Variants in NELL1 observed in about 807,000 individuals in gnomAD.
NELL1 encodes the protein neural EGFL like 1.
In NELL1, 76 loss-of-function variants were observed where a neutral mutation model predicts 107.4. That is an observed-to-expected ratio of 0.71 (90% CI 0.59 to 0.86). The LOEUF is 0.86. Ranked by LOEUF, NELL1 falls within the 40% of genes least tolerant of loss-of-function variation. The probability of loss-of-function intolerance (pLI) is 0.00; values close to 1 mark genes in which losing one functional copy is unlikely to be tolerated. For missense variants in NELL1, 1,024 were observed against 1,005.5 expected, an observed-to-expected ratio of 1.02 and a Z score of -0.25; for synonymous variants, 353 against 341.2, an observed-to-expected ratio of 1.03 and a Z score of -0.38.
intron 14 of NELL1, among the ~76,000 whole-genome samples, chr11:21,264,051 T>G (rs148320949): frequency 0.018 from 2,161 of 121,446 alleles, 17 homozygotes; most frequent in South Asian, 0.028. Flanking sequence ...CTCTGTTAGA[T>G]GTCTGAAAGT....
Position 21,461,247 on chromosome 11 carries a change from C to T in NELL1, c.1646-73127C>T, listed in dbSNP as rs138658822. On this transcript the variant is annotated intron_variant, in intron 15 of 19. Coordinates refer to ENST00000357134, the MANE Select transcript of NELL1 (RefSeq NM_006157.5). ...GATACAAGAAGTCAGTGAATGAGGACTGGGTAGAGGCAACAGCCCTGGGTT... is the reference window on the plus strand; with the variant it reads ...GATACAAGAAGTCAGTGAATGAGGATTGGGTAGAGGCAACAGCCCTGGGTT... 2.0e-5 allele frequency among the ~76,000 whole-genome samples: 3 copies of T among 152,042 alleles called. No individual in the cohort carries two copies. The South Asian group carries it at 6.2e-4, about 31-fold the overall frequency.
At chr11:21,077,614 G>A (rs1428785218) in intron 12 of NELL1, among the ~76,000 whole-genome samples, 3 of 151,896 alleles carry the variant, frequency 2.0e-5, no homozygotes, top group African/African-American at 7.3e-5. Flanking sequence ...GTGGTGGCAC[G>A]TGCCTGTAAT....
intron 14 of NELL1, among the ~76,000 whole-genome samples, chr11:21,253,985 G>A (rs1280766417): frequency 6.6e-6 from 1 of 152,120 alleles, no homozygotes; most frequent in Non-Finnish European, 1.5e-5. Context: ...CTGAGGGGAT[G>A]CAGATATGAG....
At chr11:21,553,057 T>C (rs184000882) in intron 16 of NELL1, among the ~76,000 whole-genome samples, 1 of 152,010 alleles carries the variant, frequency 6.6e-6, no homozygotes, top group African/African-American at 2.4e-5. Flanking sequence ...ACAATGTTTT[T>C]AGACCTTTGA....
intron 15 of NELL1, among the ~76,000 whole-genome samples, chr11:21,524,460 C>T (rs1247912023): frequency 6.6e-6 from 1 of 151,650 alleles, no homozygotes; most frequent in South Asian, 2.1e-4. Context: ...CTGTTAAACA[C>T]TATAGGAATT....
intron 14 of NELL1, among the ~76,000 whole-genome samples, chr11:21,364,949 A>G (rs1177930436): frequency 6.6e-6 from 1 of 152,176 alleles, no homozygotes; most frequent in Non-Finnish European, 1.5e-5. Flanking sequence ...ATTTTCTTCT[A>G]TTAAGTACCT....
intron 12 of NELL1, among the ~76,000 whole-genome samples, chr11:21,044,516 A>G (rs975350338): frequency 1.3e-5 from 2 of 152,162 alleles, no homozygotes; most frequent in African/African-American, 4.8e-5. Context: ...TTGTTTGGTT[A>G]TGTGTATGCA....
At chr11:20,919,224 A>G in intron 6 of NELL1, 28 bp from the exon 7 acceptor site, 1 of 1,316,782 alleles carries the variant, frequency 7.6e-7, no homozygotes, top group Non-Finnish European at 1.1e-6. Flanking sequence ...CAATATAAAT[A>G]TATATGTTTT....
At chr11:20,899,239 A>G (rs557438019) in intron 5 of NELL1, among the ~76,000 whole-genome samples, 1 of 152,138 alleles carries the variant, frequency 6.6e-6, no homozygotes, top group Non-Finnish European at 1.5e-5. Context: ...ATAAAAGTCC[A>G]TAAAAAGGAA....
At position 21,468,862 on chromosome 11, in the gene NELL1, C is replaced by T. The variant is rs572663890; in HGVS notation, c.1646-65512C>T. Among the ~76,000 whole-genome samples, 15 of 152,140 alleles carry T rather than the reference C, an allele frequency of 9.9e-5. No homozygotes were observed. The East Asian group carries it at 2.7e-3, about 28-fold the overall frequency. ...TGCAGAACACAGTAGACAGGCCACA[C>T]TTAAGAATGAGCCAAGGTTCTCCTG... On this transcript the variant is annotated intron_variant, in intron 15 of 19. Transcript: ENST00000357134.
At chr11:20,878,308 G>A (rs967244640) in intron 4 of NELL1, among the ~76,000 whole-genome samples, 4 of 147,498 alleles carry the variant, frequency 2.7e-5, no homozygotes, top group Admixed American at 6.9e-5. Flanking sequence ...GCAGTGAGCC[G>A]AGATCGCGGC....
chr11:21,288,403 G>T (rs1849175662), intron 14 of NELL1, among the ~76,000 whole-genome samples: 1 of 152,114 alleles, frequency 6.6e-6, no homozygotes, highest in Admixed American at 6.5e-5. Flanking sequence ...ACTGTGCTTT[G>T]TTTACAATTC....
At chr11:20,685,472 G>A (rs1854285795) in intron 2 of NELL1, among the ~76,000 whole-genome samples, 1 of 152,036 alleles carries the variant, frequency 6.6e-6, no homozygotes, top group Non-Finnish European at 1.5e-5. Flanking sequence ...CCACAGCTCT[G>A]TTAATATAGG....
chr11:21,210,124 T>C (rs1857468665), intron 13 of NELL1, among the ~76,000 whole-genome samples: 1 of 152,214 alleles, frequency 6.6e-6, no homozygotes, highest in Admixed American at 6.5e-5. Context: ...ATTTTCTTCA[T>C]GCATTGATTA....
intron 13 of NELL1, among the ~76,000 whole-genome samples, chr11:21,197,916 T>A (rs1044061830): frequency 7.9e-5 from 12 of 152,182 alleles, no homozygotes; most frequent in Non-Finnish European, 8.8e-5. Context: ...ATGTAATGAC[T>A]ACCTCAAACT....
At chr11:21,246,297 TG>T (rs771985910) in intron 14 of NELL1, among the ~76,000 whole-genome samples, 27 of 151,888 alleles carry the variant, frequency 1.8e-4, no homozygotes, top group Non-Finnish European at 3.4e-4. Flanking sequence ...TAGGCTAGAG[TG>T]GAGGTTAGAT....
intron 3 of NELL1, among the ~76,000 whole-genome samples, chr11:20,838,500 T>C (rs912197774): frequency 6.6e-6 from 1 of 151,844 alleles, no homozygotes; most frequent in African/African-American, 2.4e-5. Flanking sequence ...TTTCTGCAAA[T>C]ATAAAACTAT....
intron 12 of NELL1, among the ~76,000 whole-genome samples, chr11:21,037,001 T>C (rs377654775): frequency 2.3e-4 from 35 of 152,164 alleles, no homozygotes; most frequent in East Asian, 1.9e-3. Flanking sequence ...ATTCATCTAG[T>C]AGTAATTTTG....
chr11:21,219,355 T>C (rs1781755049), intron 13 of NELL1, among the ~76,000 whole-genome samples: 1 of 152,214 alleles, frequency 6.6e-6, no homozygotes, highest in African/African-American at 2.4e-5. Flanking sequence ...TTAAATTATT[T>C]GAGTTCCTTG....
Sources: allele counts gnomAD v4.1 joint callset (sites outside exome capture counted in the v4.1 genomes callset), GRCh38; gene constraint gnomAD v4.1.1; transcripts MANE v1.5; gene names NCBI Gene and HGNC (gene_info 2026-07-23, HGNC 2026-07-21).